Variants in AGAP1 observed in about 807,000 individuals in gnomAD.
AGAP1 encodes the protein arf-GAP with GTPase, ANK repeat and PH domain-containing protein 1.
A neutral mutation model predicts 105.3 loss-of-function variants in AGAP1; 29 were observed. The ratio of observed to expected loss-of-function variants is 0.28; its 90% CI spans 0.21 to 0.38. The LOEUF is 0.38. AGAP1 is among the 10% of genes least tolerant of loss of function. The pLI, the probability that AGAP1 is intolerant of heterozygous loss-of-function variation, is 1.00. For synonymous variants in AGAP1, 509 were observed against 485.9 expected, an observed-to-expected ratio of 1.05 and a Z score of -0.63; for missense variants, 998 against 1,165.1, an observed-to-expected ratio of 0.86 and a Z score of 2.09.
At position 235,803,051 on chromosome 2, in the gene AGAP1, G is replaced by GATGGTGATGATGGTT. The variant is rs1957638828; in HGVS notation, c.957+3529_957+3530insATGGTGATGATGGTT. 4.5e-3 allele frequency among the ~76,000 whole-genome samples: 16 copies of GATGGTGATGATGGTT among 3,584 alleles called. 1 individual carries two copies. Among genetic ancestry groups the GATGGTGATGATGGTT allele is most frequent in the Non-Finnish European group, 9.3e-3 (11 of 1,178 alleles). 2.4% of individuals were successfully genotyped at this position (3,584 alleles called of 152,430 possible). On this transcript the variant is annotated intron_variant, in intron 8 of 17. Coordinates refer to ENST00000304032, the MANE Select transcript of AGAP1 (RefSeq NM_001037131.3). ...TGGTTGTGATGGTGATGATGGTTGT[G>GATGGTGATGATGGTT]GTGATGGTGGTGATAGTTGTGATGG...
intron 11 of AGAP1, among the ~76,000 whole-genome samples, chr2:235,925,440 C>T (rs1016887521): frequency 7.9e-5 from 12 of 152,160 alleles, no homozygotes; most frequent in Admixed American, 5.9e-4. Flanking sequence ...AATCCAGAGG[C>T]TCTCTTTCCT....
chr2:236,094,292 A>T (rs1393192927), intron 16 of AGAP1, among the ~76,000 whole-genome samples: 4 of 137,552 alleles, frequency 2.9e-5, no homozygotes, highest in African/African-American at 8.5e-5. Context: ...CTATATCTTT[A>T]AAAAAAAAAA....
chr2:235,708,824 A>G (rs1294776331), intron 1 of AGAP1, among the ~76,000 whole-genome samples: 2 of 152,206 alleles, frequency 1.3e-5, no homozygotes, highest in Admixed American at 1.3e-4. Flanking sequence ...TGTGTCCTCA[A>G]ATATCTCCAC....
Position 235,969,079 on chromosome 2 carries a change from T to G in AGAP1, c.1645+456T>G, listed in dbSNP as rs145837548. ...CTTGATTTCAGCTTTTAGCAACGTG[T>G]TATGATAAACACTTCTTCTGTTAAT... On this transcript the variant is annotated intron_variant, in intron 13 of 17. Coordinates refer to ENST00000304032, the MANE Select transcript of AGAP1 (RefSeq NM_001037131.3). Among the ~76,000 whole-genome samples, 372 of 152,336 alleles carry G rather than the reference T, an allele frequency of 2.4e-3. 3 individuals carry two copies. Among genetic ancestry groups the G allele is most frequent in the South Asian group, 0.021 (103 of 4,830 alleles).
At chr2:235,886,382 A>C (rs1375075304) in intron 10 of AGAP1, among the ~76,000 whole-genome samples, 6 of 152,248 alleles carry the variant, frequency 3.9e-5, no homozygotes, top group Admixed American at 2.0e-4. Flanking sequence ...CTTCTTGCCA[A>C]GGGGCAGATA....
At chr2:235,823,152 A>G (rs540216830) in intron 9 of AGAP1, among the ~76,000 whole-genome samples, 1 of 152,322 alleles carries the variant, frequency 6.6e-6, no homozygotes, top group African/African-American at 2.4e-5. Flanking sequence ...TATGTATAGT[A>G]TGTGTGTACA....
rs2149476978 is a variant in AGAP1, at chr2:235,701,000, TAA to T, written c.164-8178_164-8177del. Among the ~76,000 whole-genome samples, 1 of 86,178 alleles carries T rather than the reference TAA, an allele frequency of 1.2e-5. No homozygotes were observed. Among genetic ancestry groups the T allele is most frequent in the Non-Finnish European group, 2.7e-5 (1 of 37,218 alleles). 56.5% of individuals were successfully genotyped at this position (86,178 alleles called of 152,430 possible). On this transcript the variant is annotated intron_variant, in intron 1 of 17. Transcript: ENST00000304032. The surrounding 1 kb of genome is among the most constrained non-coding windows in gnomAD (Gnocchi z 6.1). The stretch of plus-strand genomic sequence containing the variant: ...ATATATGTATATATTATATATGCTA[TAA>T]TATAGTTATATGTATATATTATATA...
chr2:236,029,859 C>T (rs763984654), intron 13 of AGAP1, among the ~76,000 whole-genome samples: 35 of 152,176 alleles, frequency 2.3e-4, no homozygotes, highest in Non-Finnish European at 4.4e-4. Flanking sequence ...CCACCTCAGC[C>T]TCCCAAGTAG....
At chr2:235,529,135 A>C (rs962666299) in intron 1 of AGAP1, among the ~76,000 whole-genome samples, 1 of 152,188 alleles carries the variant, frequency 6.6e-6, no homozygotes, top group African/African-American at 2.4e-5. Context: ...GCTGCCTGGT[A>C]ACTTTCCTTG....
intron 12 of AGAP1, among the ~76,000 whole-genome samples, chr2:235,942,432 C>T (rs10204309): frequency 0.61 from 93,008 of 151,946 alleles, 29,491 homozygotes; most frequent in African/African-American, 0.78. Context: ...AATCCCAGCA[C>T]TTTGGGAGGC....
chr2:235,590,665 ATGTG>A lies in AGAP1; in HGVS notation c.163+95833_163+95836del, dbSNP rs147286191. 3.1e-3 allele frequency among the ~76,000 whole-genome samples: 400 copies of A among 127,334 alleles called. 6 individuals are homozygous for A. The highest frequency in any genetic ancestry group is 0.018 in the East Asian group (78 of 4,346). 83.5% of individuals were successfully genotyped at this position (127,334 alleles called of 152,430 possible). A position where few individuals can be genotyped will look rare whatever the true frequency, so the allele number is the denominator to read the frequency against. On this transcript the variant is annotated intron_variant, in intron 1 of 17. Transcript: ENST00000304032. ...GTTTTTTTTGTTTTGTTTTGTTTTA[ATGTG>A]TGTGTGTGTGTGTGTGCGTGTGCGT...
In AGAP1 at chr2:235,967,728, G is replaced by A. The variant is rs997044384; in HGVS notation, c.1484-734G>A. ...TCCACCCGGCTTGAATTATATGCGC[G>A]TTCTGGTCATGTAGTACCGCTTTGG... On this transcript the variant is annotated intron_variant, in intron 12 of 17. Coordinates refer to ENST00000304032, the MANE Select transcript of AGAP1 (RefSeq NM_001037131.3). This position sits in a 1 kb window ranked among gnomAD's most constrained non-coding sequence, Gnocchi z 4.7. Among the ~76,000 whole-genome samples the A allele has an allele frequency of 3.3e-5, 5 of 152,178 alleles. No homozygotes were observed. Among genetic ancestry groups the A allele is most frequent in the Non-Finnish European group, 5.9e-5 (4 of 68,036 alleles).
chr2:236,088,789 C>T lies in AGAP1; in HGVS notation c.2115-31403C>T, dbSNP rs570710252. Among the ~76,000 whole-genome samples, 4 of 152,314 alleles carry T rather than the reference C, an allele frequency of 2.6e-5. No homozygotes were observed. In the South Asian group the frequency reaches 6.2e-4, roughly 24 times the overall value. On this transcript the variant is annotated intron_variant, in intron 16 of 17. Coordinates refer to ENST00000304032, the MANE Select transcript of AGAP1 (RefSeq NM_001037131.3). ...AATTGTAGCCCTGTCCCCATTGTCA[C>T]GAATCTATGTATCCTTCTGCTTCTA... is the stretch of plus-strand genomic sequence containing the variant.
rs2058690564 is a variant in AGAP1, at chr2:236,078,114, G to A, written c.2114+28833G>A. 6.6e-6 allele frequency among the ~76,000 whole-genome samples: 1 copy of A among 151,052 alleles called. No homozygotes were observed. On this transcript the variant is annotated intron_variant, in intron 16 of 17. Transcript: ENST00000304032. This position sits in a 1 kb window ranked among gnomAD's most constrained non-coding sequence, Gnocchi z 5.3. ...AGGGCAGGCCAGCTGGTGTGTGTGTGCATGTGTGTAATCTGAAGTGTGTAG... is the reference window on the plus strand; with the variant it reads ...AGGGCAGGCCAGCTGGTGTGTGTGTACATGTGTGTAATCTGAAGTGTGTAG...
intron 1 of AGAP1, among the ~76,000 whole-genome samples, chr2:235,527,076 A>G (rs1159405351): frequency 2.0e-5 from 3 of 152,192 alleles, no homozygotes; most frequent in Non-Finnish European, 4.4e-5. Context: ...GCTGTGTGAC[A>G]AGTTAGTATT....
chr2:235,633,957 TG>T lies in AGAP1; in HGVS notation c.164-75218del, dbSNP rs1414241775. Among the ~76,000 whole-genome samples the T allele has an allele frequency of 6.6e-6, 1 of 151,994 alleles. No homozygotes were observed. Among genetic ancestry groups the T allele is most frequent in the Non-Finnish European group, 1.5e-5 (1 of 68,000 alleles). On this transcript the variant is annotated intron_variant, in intron 1 of 17. Transcript: ENST00000304032. This position sits in a 1 kb window ranked among gnomAD's most constrained non-coding sequence, Gnocchi z 4.8. The stretch of plus-strand genomic sequence containing the variant: ...CTGCATCTGAGGGTGGCCTTTACTT[TG>T]GGGTATCAGTTTTCCGAGCCCCAGC...
chr2:235,613,189 T>G (rs1219609722), intron 1 of AGAP1, among the ~76,000 whole-genome samples: 2 of 152,108 alleles, frequency 1.3e-5, no homozygotes, highest in Non-Finnish European at 2.9e-5. Flanking sequence ...AGAGACTGGA[T>G]TTCGCCATTT....
rs548425383 is a variant in AGAP1, at chr2:235,552,175, C to T, written c.163+57326C>T. On this transcript the variant is annotated intron_variant, in intron 1 of 17. Transcript: ENST00000304032. This position sits in a 1 kb window ranked among gnomAD's most constrained non-coding sequence, Gnocchi z 5.9. ...GTTGTGTGCTTGGTGTTCATTGCCCCGTAACTCTGGCCGCGGTAGTCTGGA... is the reference window on the plus strand; with the variant it reads ...GTTGTGTGCTTGGTGTTCATTGCCCTGTAACTCTGGCCGCGGTAGTCTGGA... Among the ~76,000 whole-genome samples the T allele has an allele frequency of 4.6e-5, 7 of 152,250 alleles. No individual in the cohort carries two copies. The highest frequency in any genetic ancestry group is 4.2e-4 in the South Asian group (2 of 4,810).
intron 13 of AGAP1, among the ~76,000 whole-genome samples, chr2:235,969,268 T>G (rs1057351920): frequency 6.6e-6 from 1 of 151,968 alleles, no homozygotes; most frequent in East Asian, 1.9e-4. Context: ...TTTTTTTTTT[T>G]AATTCATAGA....
Sources: gnomAD v4.1 joint callset for allele counts (sites outside exome capture counted in the v4.1 genomes callset) on GRCh38, gnomAD v4.1.1 for gene constraint, Gnocchi (gnomAD v3.1) non-coding constraint, MANE v1.5 for transcripts, NCBI Gene and HGNC (gene_info 2026-07-23, HGNC 2026-07-21) for gene names.